SRSF12: variants seen among roughly 807,000 people sequenced by gnomAD.
SRSF12 encodes serine and arginine rich splicing factor 12, also known as serine/arginine-rich splicing factor 12.
SRSF12 carries 21 observed loss-of-function variants against 34.1 expected under a neutral mutation model. The ratio of observed to expected loss-of-function variants is 0.62; its 90% CI spans 0.44 to 0.89. The LOEUF (loss-of-function observed/expected upper bound fraction) is 0.89, where lower values mean the gene tolerates loss of function less well. SRSF12 is among the 40% of genes least tolerant of loss of function. The pLI, the probability that SRSF12 is intolerant of heterozygous loss-of-function variation, is 0.00. For synonymous variants in SRSF12, 111 were observed against 110.8 expected (o/e 1.00, Z -0.01); for missense variants, 278 against 327.8 (o/e 0.85, Z 1.17).
chr6:89,105,485 A>G lies in SRSF12; in HGVS notation c.216T>C (p.Asn72=). Residue 72 remains asparagine (N), a synonymous_variant, in exon 3 of 5, where the codon AAT becomes AAC. Coordinates refer to ENST00000452027, the MANE Select transcript of SRSF12 (RefSeq NM_080743.5). ...RDAEDALYNL[N]RKWVCGRQIE... Reference sequence around the variant, plus strand: ...TCTGACGGCCACATACCCACTTTCTATTGAGGTTATAAAGAGCATCTTCAG... The same window carrying G: ...TCTGACGGCCACATACCCACTTTCTGTTGAGGTTATAAAGAGCATCTTCAG... 6.2e-7 allele frequency: 1 copy of G among 1,611,984 alleles called. No homozygotes were observed. The highest frequency in any genetic ancestry group is 8.5e-7 in the Non-Finnish European group (1 of 1,179,216).
chr6:89,117,923 G>A lies in SRSF12; in HGVS notation c.-36C>T. The A allele has an allele frequency of 1.9e-6, 3 of 1,545,450 alleles. No individual in the cohort carries two copies. Among genetic ancestry groups the A allele is most frequent in the Non-Finnish European group, 8.7e-7 (1 of 1,149,352 alleles). ...TCCGTTCCCTCCGGGTCTGCCCGCG[G>A]CCGCTGGACTCGCTCCGTCTCCCGC... On this transcript the variant is annotated 5_prime_UTR_variant, in exon 1 of 5. Coordinates refer to ENST00000452027, the MANE Select transcript of SRSF12 (RefSeq NM_080743.5).
chr6:89,101,526 A>C lies in SRSF12; in HGVS notation c.417-2579T>G, dbSNP rs1305602130. On this transcript the variant is annotated intron_variant, in intron 4 of 4. Transcript: ENST00000452027. ...CACCTGAGGTCAGGAGTTCCAGACC[A>C]GCCTGGCCAACATGGAGAAACTCCG... Among the ~76,000 whole-genome samples, 4 of 152,076 alleles carry C rather than the reference A, an allele frequency of 2.6e-5. No individual in the cohort carries two copies. In the East Asian group the frequency reaches 7.7e-4, roughly 29 times the overall value.
intron 1 of SRSF12, among the ~76,000 whole-genome samples, chr6:89,117,449 GC>G (rs1467995479): frequency 6.6e-6 from 1 of 152,222 alleles, no homozygotes; most frequent in Non-Finnish European, 1.5e-5. Flanking sequence ...CGACAAAGGA[GC>G]TGAAACGCGG....
intron 1 of SRSF12, among the ~76,000 whole-genome samples, chr6:89,114,032 A>G (rs1172195121): frequency 2.0e-5 from 3 of 152,234 alleles, no homozygotes; most frequent in African/African-American, 7.2e-5. Flanking sequence ...AATACAGATT[A>G]CATGTGATGA....
chr6:89,111,194 C>A (rs1769033196), intron 1 of SRSF12, among the ~76,000 whole-genome samples: 1 of 151,912 alleles, frequency 6.6e-6, no homozygotes, highest in African/African-American at 2.4e-5. Flanking sequence ...CTGCAGCCTC[C>A]ACTTCCCAGG....
intron 4 of SRSF12, among the ~76,000 whole-genome samples, chr6:89,101,669 G>A (rs1444273732): frequency 6.6e-6 from 1 of 151,640 alleles, no homozygotes; most frequent in African/African-American, 2.4e-5. Flanking sequence ...CTGCACTCCA[G>A]CCCAGGTGAC....
chr6:89,100,210 T>C (rs946129304), intron 4 of SRSF12, among the ~76,000 whole-genome samples: 2 of 152,140 alleles, frequency 1.3e-5, no homozygotes, highest in Non-Finnish European at 2.9e-5. Context: ...AAAACCGGAA[T>C]TCAGAAATTC....
Position 89,098,631 on chromosome 6 carries a change from G to C in SRSF12, c.733C>G (p.His245Asp), listed in dbSNP as rs41273303. 5.3e-3 allele frequency: 8,593 copies of C among 1,613,820 alleles called. 66 individuals carry two copies. Among genetic ancestry groups the C allele is most frequent in the Non-Finnish European group, 5.2e-3 (6,104 of 1,179,798 alleles). The change falls in exon 5 of 5, where the codon CAT (histidine) becomes GAT (aspartate). Residue 245 changes from histidine (H) to aspartate (D), a missense_variant. Physicochemically the swap from His to Asp is moderately conservative, Grantham distance 81. Coordinates refer to ENST00000452027, the MANE Select transcript of SRSF12 (RefSeq NM_080743.5). ...ETKVQTAKHS[H>D]FRSHSRSRSY... ...CGAGATCTGGAATGTGACCGAAAAT[G>C]AGAATGCTTTGCTGTTTGTACTTTA...
In SRSF12 at chr6:89,098,574, C is replaced by G; in HGVS notation, c.*4G>C. ...AGACGGCGTGGTGCTCTTTCTGTTG[C>G]TGTTCACCAACTGTTTTTATGACGA... On this transcript the variant is annotated 3_prime_UTR_variant, in exon 5 of 5. Transcript: ENST00000452027. The G allele has an allele frequency of 6.2e-7, 1 of 1,603,160 alleles. No homozygotes were observed. Among genetic ancestry groups the G allele is most frequent in the Non-Finnish European group, 8.5e-7 (1 of 1,172,574 alleles).
intron 1 of SRSF12, among the ~76,000 whole-genome samples, chr6:89,112,556 G>A (rs543520888): frequency 4.7e-5 from 7 of 150,350 alleles, no homozygotes; most frequent in African/African-American, 1.7e-4. Flanking sequence ...AGGACTACAG[G>A]CACGCATCAC....
Position 89,118,004 on chromosome 6 carries a change from C to A in SRSF12, c.-117G>T. ...GGCCCCCGGCGCGACCCCCACCCCT[C>A]GGCCTCAGCCCCGCCAGCGCGCAGC... On this transcript the variant is annotated 5_prime_UTR_variant, in exon 1 of 5. Transcript: ENST00000452027. 2 of 1,099,604 alleles carry A rather than the reference C, an allele frequency of 1.8e-6. No individual in the cohort carries two copies. Among genetic ancestry groups the A allele is most frequent in the South Asian group, 1.5e-5 (1 of 65,104 alleles). 68.1% of individuals were successfully genotyped at this position (1,099,604 alleles called of 1,614,324 possible).
In SRSF12 at chr6:89,118,009, T is replaced by G. The variant is rs1769399133; in HGVS notation, c.-122A>C. The G allele has an allele frequency of 9.5e-7, 1 of 1,049,412 alleles. No homozygotes were observed. Among genetic ancestry groups the G allele is most frequent in the Admixed American group, 3.6e-5 (1 of 27,478 alleles). 65.0% of individuals were successfully genotyped at this position (1,049,412 alleles called of 1,614,324 possible). ...CCGGCGCGACCCCCACCCCTCGGCCTCAGCCCCGCCAGCGCGCAGCCGCAG... is the reference window on the plus strand; with the variant it reads ...CCGGCGCGACCCCCACCCCTCGGCCGCAGCCCCGCCAGCGCGCAGCCGCAG... On this transcript the variant is annotated 5_prime_UTR_variant, in exon 1 of 5. Coordinates refer to ENST00000452027, the MANE Select transcript of SRSF12 (RefSeq NM_080743.5).
At chr6:89,104,920 G>GT (rs1768715776) in intron 4 of SRSF12, among the ~76,000 whole-genome samples, 199 bp downstream of exon 4, 1 of 151,998 alleles carries the variant, frequency 6.6e-6, no homozygotes, top group Non-Finnish European at 1.5e-5. Context: ...GCCCAGTGTG[G>GT]TGGTGCACAC....
chr6:89,108,947 A>G (rs1185456977), intron 1 of SRSF12, among the ~76,000 whole-genome samples: 1 of 152,240 alleles, frequency 6.6e-6, no homozygotes, highest in Non-Finnish European at 1.5e-5. Flanking sequence ...ATTTCATTTA[A>G]CACTCATAGA....
At chr6:89,102,469 C>T (rs1768582153) in intron 4 of SRSF12, among the ~76,000 whole-genome samples, 1 of 151,844 alleles carries the variant, frequency 6.6e-6, no homozygotes, top group South Asian at 2.1e-4. Flanking sequence ...ACTGAAAATA[C>T]ATTGATGTAG....
chr6:89,106,355 C>T (rs1396981868), intron 2 of SRSF12, among the ~76,000 whole-genome samples: 2 of 152,210 alleles, frequency 1.3e-5, no homozygotes, highest in Middle Eastern at 3.4e-3. Context: ...TGAGGTGATC[C>T]ACCCGCCTCA....
Position 89,105,815 on chromosome 6 carries a change from T to C in SRSF12, c.171-285A>G, listed in dbSNP as rs1768756654. 2.2e-5 allele frequency: 4 copies of C among 181,552 alleles called. No homozygotes were observed. In the East Asian group the frequency reaches 5.4e-4, roughly 24 times the overall value. 11.2% of individuals were successfully genotyped at this position (181,552 alleles called of 1,614,324 possible). Reference sequence around the variant, plus strand: ...GTGTGGCTGCAGTATGCATGTATAATTTGAAAACAAGAAAAACAAAAAAAA... The same window carrying C: ...GTGTGGCTGCAGTATGCATGTATAACTTGAAAACAAGAAAAACAAAAAAAA... On this transcript the variant is annotated intron_variant, in intron 2 of 4. Transcript: ENST00000452027.
chr6:89,117,760 C>G (rs1769382646), intron 1 of SRSF12, 63 bp downstream of exon 1: 18 of 1,480,382 alleles, frequency 1.2e-5, no homozygotes, highest in Non-Finnish European at 1.6e-5. Flanking sequence ...CGGCCGTGCT[C>G]CGCGGCGCGG....
At chr6:89,103,693 C>A (rs1768644004) in intron 4 of SRSF12, among the ~76,000 whole-genome samples, 1 of 151,886 alleles carries the variant, frequency 6.6e-6, no homozygotes, top group Non-Finnish European at 1.5e-5. Context: ...CTCCTGACCT[C>A]AAGTAATCCA....
Sources: allele counts gnomAD v4.1 joint callset (sites outside exome capture counted in the v4.1 genomes callset), GRCh38; gene constraint gnomAD v4.1.1; transcripts MANE v1.5; gene names NCBI Gene and HGNC (gene_info 2026-07-23, HGNC 2026-07-21).